Variants in DLGAP2 observed in about 807,000 individuals in gnomAD.
The protein encoded by DLGAP2 is disks large-associated protein 2.
A neutral mutation model predicts 100.3 loss-of-function variants in DLGAP2; 26 were observed. The observed-to-expected ratio is 0.26, with a 90% CI of 0.19 to 0.36. DLGAP2 has a LOEUF of 0.36. Ranked by LOEUF, DLGAP2 falls within the 10% of genes least tolerant of loss-of-function variation. The pLI, the probability that DLGAP2 is intolerant of heterozygous loss-of-function variation, is 1.00. For synonymous variants in DLGAP2, 886 were observed against 630.1 expected, an observed-to-expected ratio of 1.41 and a Z score of -6.08; for missense variants, 1,858 against 1,453.2, an observed-to-expected ratio of 1.28 and a Z score of -4.53.
Position 1,706,646 on chromosome 8 carries a change from G to C in DLGAP2, c.*5240G>C, listed in dbSNP as rs1057387011. ...AAGAACCCAGCACCAACCAGAATTAGGCCACGTTTTCACCATTACTTAAGC... is the reference window on the plus strand; with the variant it reads ...AAGAACCCAGCACCAACCAGAATTACGCCACGTTTTCACCATTACTTAAGC... On this transcript the variant is annotated 3_prime_UTR_variant, in exon 15 of 15. Coordinates refer to ENST00000637795, the MANE Select transcript of DLGAP2 (RefSeq NM_001346810.2). 6.6e-6 allele frequency: 1 copy of C among 152,138 alleles called. No individual in the cohort carries two copies. The highest frequency in any genetic ancestry group is 1.5e-5 in the Non-Finnish European group (1 of 68,038). 9.4% of individuals were successfully genotyped at this position (152,138 alleles called of 1,614,324 possible). A position where few individuals can be genotyped will look rare whatever the true frequency, so the allele number is the denominator to read the frequency against.
At chr8:852,951 C>T (rs17667048) in intron 1 of DLGAP2, among the ~76,000 whole-genome samples, 16,556 of 152,274 alleles carry the variant, frequency 0.11, 1,370 homozygotes, top group Admixed American at 0.27. Context: ...TGCAGCATGA[C>T]GCTGGATCTT....
chr8:1,314,507 C>G (rs765924106), intron 3 of DLGAP2, among the ~76,000 whole-genome samples: 5 of 152,218 alleles, frequency 3.3e-5, no homozygotes, highest in Non-Finnish European at 5.9e-5. Context: ...AAAAATAACA[C>G]TTTTAACATG....
intron 5 of DLGAP2, among the ~76,000 whole-genome samples, chr8:1,553,790 G>T (rs993392020): frequency 3.3e-5 from 5 of 152,208 alleles, no homozygotes; most frequent in African/African-American, 1.2e-4. Flanking sequence ...CGACGTGTCT[G>T]TTTTGTAGGC....
intron 1 of DLGAP2, among the ~76,000 whole-genome samples, chr8:838,792 C>T (rs889533893): frequency 2.0e-5 from 3 of 152,216 alleles, no homozygotes; most frequent in Non-Finnish European, 4.4e-5. Context: ...CACATCATGG[C>T]TGACGGCAGA....
At chr8:1,498,232 C>T (rs1003450807) in intron 3 of DLGAP2, among the ~76,000 whole-genome samples, 2 of 152,142 alleles carry the variant, frequency 1.3e-5, no homozygotes, top group African/African-American at 4.8e-5. Flanking sequence ...AGGAAGCCTC[C>T]AGGCAGCAGG....
chr8:1,154,162 C>T (rs1011518047), intron 2 of DLGAP2, among the ~76,000 whole-genome samples: 3 of 152,064 alleles, frequency 2.0e-5, no homozygotes, highest in African/African-American at 7.2e-5. Flanking sequence ...TTGTAAAGAT[C>T]GAATGCCTCG....
At chr8:1,658,424 A>G (rs1475620979) in intron 8 of DLGAP2, among the ~76,000 whole-genome samples, 2 of 152,188 alleles carry the variant, frequency 1.3e-5, no homozygotes, top group African/African-American at 4.8e-5. Context: ...TCTGGGATAC[A>G]TGTGCAGAAC....
At chr8:1,151,087 T>G (rs1796689101) in intron 2 of DLGAP2, among the ~76,000 whole-genome samples, 1 of 152,202 alleles carries the variant, frequency 6.6e-6, no homozygotes, top group South Asian at 2.1e-4. Context: ...ATTTTGATAT[T>G]TCATTAACAT....
chr8:1,655,013 A>C (rs1798251781), intron 8 of DLGAP2, among the ~76,000 whole-genome samples: 4 of 152,232 alleles, frequency 2.6e-5, no homozygotes, highest in African/African-American at 9.7e-5. Context: ...CGAACAGCAG[A>C]GCAGCTGACA....
At chr8:1,691,209 A>G (rs546423349) in intron 12 of DLGAP2, among the ~76,000 whole-genome samples, 166 of 152,348 alleles carry the variant, frequency 1.1e-3, no homozygotes, top group African/African-American at 3.8e-3. Flanking sequence ...TGTGTCTTCC[A>G]GCTCATCCAA....
intron 1 of DLGAP2, among the ~76,000 whole-genome samples, chr8:841,017 C>A (rs191899964): frequency 5.5e-4 from 83 of 152,272 alleles, no homozygotes; most frequent in African/African-American, 1.9e-3. Context: ...AGCCTAGGCC[C>A]ATTAATTCAC....
At chr8:1,453,547 T>G (rs1419054281) in intron 3 of DLGAP2, among the ~76,000 whole-genome samples, 1 of 152,102 alleles carries the variant, frequency 6.6e-6, no homozygotes, top group Non-Finnish European at 1.5e-5. Context: ...TTAAGTGGAT[T>G]ATTCTTGAGT....
chr8:1,240,644 C>T (rs1357767000), intron 2 of DLGAP2, among the ~76,000 whole-genome samples: 31 of 146,786 alleles, frequency 2.1e-4, no homozygotes, highest in African/African-American at 5.6e-4. Flanking sequence ...GTCTAGTTCT[C>T]TCTCACACAG....
At chr8:976,439 A>T (rs190885923) in intron 2 of DLGAP2, among the ~76,000 whole-genome samples, 116 of 152,150 alleles carry the variant, frequency 7.6e-4, no homozygotes, top group African/African-American at 2.0e-3. Flanking sequence ...GTAAAACCCC[A>T]TGTCTACTAA....
intron 3 of DLGAP2, among the ~76,000 whole-genome samples, chr8:1,467,119 G>A (rs542029080): frequency 1.3e-5 from 2 of 151,746 alleles, no homozygotes; most frequent in East Asian, 3.9e-4. Context: ...GGGAGGGAGG[G>A]TCCGGCAGGG....
At chr8:1,340,919 C>G (rs182975802) in intron 3 of DLGAP2, among the ~76,000 whole-genome samples, 96 of 152,286 alleles carry the variant, frequency 6.3e-4, no homozygotes, top group African/African-American at 2.2e-3. Flanking sequence ...AGAATGAAAT[C>G]ATGTCTTTTG....
intron 2 of DLGAP2, among the ~76,000 whole-genome samples, chr8:1,251,512 C>G (rs542874743): frequency 6.6e-6 from 1 of 152,332 alleles, no homozygotes; most frequent in African/African-American, 2.4e-5. Context: ...TTTTGGCTCA[C>G]TGCAGCCTCA....
rs1239090866 is a variant in DLGAP2 at position 1,501,580 on chromosome 8, T to C, written c.172+149T>C. 4 of 799,268 alleles carry C rather than the reference T, an allele frequency of 5.0e-6. No homozygotes were observed. In the East Asian group the frequency reaches 8.1e-5, roughly 16 times the overall value. The allele number at this position is 799,268 out of a possible 1,614,324, so 49.5% of individuals were successfully genotyped here. ...AAGAACTAAGTACAATGCGGCACTT[T>C]TTTCCAAAAATAATAGTTTTTAAGC... On this transcript the variant is annotated intron_variant, in intron 4 of 14. Coordinates refer to ENST00000637795, the MANE Select transcript of DLGAP2 (RefSeq NM_001346810.2).
intron 2 of DLGAP2, among the ~76,000 whole-genome samples, chr8:1,050,083 C>T (rs1340036625): frequency 6.6e-6 from 1 of 152,266 alleles, no homozygotes; most frequent in Non-Finnish European, 1.5e-5. Flanking sequence ...CATGCACAGG[C>T]AGTCACACAC....
Sources: allele counts gnomAD v4.1 joint callset (sites outside exome capture counted in the v4.1 genomes callset), GRCh38; gene constraint gnomAD v4.1.1; transcripts MANE v1.5; gene names NCBI Gene and HGNC (gene_info 2026-07-23, HGNC 2026-07-21).